CAPN5: variants seen among roughly 807,000 people sequenced by gnomAD.
CAPN5 encodes the protein calpain-5.
A neutral mutation model predicts 73.0 loss-of-function variants in CAPN5; 54 were observed. The ratio of observed to expected loss-of-function variants is 0.74; its 90% confidence interval spans 0.59 to 0.93. The LOEUF (loss-of-function observed/expected upper bound fraction) is 0.93, where lower values mean the gene tolerates loss of function less well. Ranked by LOEUF, CAPN5 falls within the 40% of genes least tolerant of loss-of-function variation. The probability of loss-of-function intolerance (pLI) is 0.00; values close to 1 mark genes in which losing one functional copy is unlikely to be tolerated. For missense variants in CAPN5, 785 were observed against 882.9 expected (o/e 0.89, Z 1.41); for synonymous variants, 335 against 356.9 (o/e 0.94, Z 0.69).
chr11:77,103,271 C>T, intron 3 of CAPN5: 1 of 1,613,272 alleles, frequency 6.2e-7, no homozygotes. Flanking sequence ...TCCTCGTCAC[C>T]TTTGGCGAGG....
chr11:77,124,858 TAGGG>T lies in CAPN5; in HGVS notation c.*991_*994del, dbSNP rs1234735794. 1.3e-5 allele frequency: 2 copies of T among 152,346 alleles called. No individual in the cohort carries two copies. The highest frequency in any genetic ancestry group is 2.1e-4 in the South Asian group (1 of 4,828). The allele number at this position is 152,346 out of a possible 1,614,324, so 9.4% of individuals were successfully genotyped here. A position where few individuals can be genotyped will look rare whatever the true frequency, so the allele number is the denominator to read the frequency against. On this transcript the variant is annotated 3_prime_UTR_variant, in exon 13 of 13. Coordinates refer to ENST00000648180, the MANE Select transcript of CAPN5 (RefSeq NM_004055.5). The stretch of plus-strand genomic sequence containing the variant: ...GCCACCCACTGGGCTCGGCAGGAGA[TAGGG>T]AGCCCCATCACCTGACCACAGCCCC...
At chr11:77,121,344 G>A (rs1950518634) in intron 10 of CAPN5, among the ~76,000 whole-genome samples, 1 of 152,236 alleles carries the variant, frequency 6.6e-6, no homozygotes, top group Non-Finnish European at 1.5e-5. Context: ...GGTGGCTCTG[G>A]GCTCCAGTGG....
intron 6 of CAPN5, among the ~76,000 whole-genome samples, 167 bp from the exon 7 acceptor site, chr11:77,116,059 G>A (rs1376052537): frequency 2.0e-5 from 3 of 152,116 alleles, no homozygotes; most frequent in Non-Finnish European, 4.4e-5. Context: ...GACAGGCAGG[G>A]CTTCCTGGAG....
At position 77,112,787 on chromosome 11, in the gene CAPN5, G is replaced by A. The variant is rs151058711; in HGVS notation, c.496G>A (p.Ala166Thr). ...GTTTTGGTGCGCCCTAGTGGAGAAG[G>A]CCTATGCCAAGTAGGTGCCAGCAGC... ...NEFWCALVEK[A>T]YAKLAGCYQA... Residue 166 changes from alanine (A) to threonine (T), a missense_variant, in exon 4 of 13, where the codon GCC becomes ACC. Physicochemically the swap from Ala to Thr is moderately conservative, Grantham distance 58. Coordinates refer to ENST00000648180, the MANE Select transcript of CAPN5 (RefSeq NM_004055.5). 1 of 1,614,074 alleles carries A rather than the reference G, an allele frequency of 6.2e-7. No individual in the cohort carries two copies. Among genetic ancestry groups the A allele is most frequent in the African/African-American group, 1.3e-5 (1 of 74,956 alleles).
chr11:77,084,954 G>A lies in CAPN5; in HGVS notation c.68G>A (p.Arg23Lys). Residue 23 changes from arginine to lysine, a missense_variant, in exon 2 of 13, where the codon AGG (arginine) becomes AAG (lysine). Transcript: ENST00000648180. ...YSALRRDCRR[R>K]KVLFEDPLFP... Reference sequence around the variant, plus strand: ...GCCCTGAGGCGGGACTGCCGGCGCAGGAAGGTGCTCTTCGAGGACCCCCTC... The same window carrying A: ...GCCCTGAGGCGGGACTGCCGGCGCAAGAAGGTGCTCTTCGAGGACCCCCTC... The A allele has an allele frequency of 6.2e-7, 1 of 1,613,840 alleles. No homozygotes were observed. The highest frequency in any genetic ancestry group is 8.5e-7 in the Non-Finnish European group (1 of 1,180,028).
In CAPN5 at chr11:77,103,350, G is replaced by C. The variant is rs782702433; in HGVS notation, c.298-9239G>C. 5.0e-6 allele frequency: 8 copies of C among 1,598,710 alleles called. No homozygotes were observed. The South Asian group carries it at 8.9e-5, about 18-fold the overall frequency. ...GCTCTGACAGCAGCTGCCAGCTGCT[G>C]CTCTCCTCTAGCCCACCTGTGCTCT... On this transcript the variant is annotated intron_variant, in intron 3 of 12. Transcript: ENST00000648180.
intron 2 of CAPN5, among the ~76,000 whole-genome samples, chr11:77,088,858 C>T (rs1950119895): frequency 6.6e-6 from 1 of 152,116 alleles, no homozygotes; most frequent in African/African-American, 2.4e-5. Context: ...TGTGGCCTGT[C>T]AGGTAGAGTT....
At chr11:77,082,008 C>T (rs2135418696) in intron 1 of CAPN5, among the ~76,000 whole-genome samples, 1 of 152,212 alleles carries the variant, frequency 6.6e-6, no homozygotes, top group Non-Finnish European at 1.5e-5. Flanking sequence ...ACATTGGACC[C>T]TGGGATAGAG....
At position 77,124,197 on chromosome 11, in the gene CAPN5, T is replaced by G. The variant is rs966681946; in HGVS notation, c.*327T>G. 106 of 291,718 alleles carry G rather than the reference T, an allele frequency of 3.6e-4. No homozygotes were observed. The highest frequency in any genetic ancestry group is 5.7e-4 in the Non-Finnish European group (89 of 155,584). 18.1% of individuals were successfully genotyped at this position (291,718 alleles called of 1,614,324 possible). On this transcript the variant is annotated 3_prime_UTR_variant, in exon 13 of 13. Transcript: ENST00000648180. ...CCGAGGAGCGCCAAGAAGATGTCAC[T>G]TGTTTACACACGAACTGCCACATCC...
chr11:77,119,257 C>T (rs1454434358), intron 9 of CAPN5, 105 bp downstream of exon 9: 19 of 1,286,836 alleles, frequency 1.5e-5, no homozygotes, highest in Middle Eastern at 2.4e-4. Context: ...TGGTCACTGC[C>T]GCTGCCCTGG....
chr11:77,113,721 C>T (rs995860647), intron 4 of CAPN5, among the ~76,000 whole-genome samples: 9 of 68,958 alleles, frequency 1.3e-4, no homozygotes, highest in Non-Finnish European at 2.6e-4. Flanking sequence ...ACTGAGTCTC[C>T]ACCACCTGGA....
intron 12 of CAPN5, 141 bp from the exon 13 acceptor site, chr11:77,123,547 G>C: frequency 1.4e-6 from 1 of 698,920 alleles, no homozygotes; most frequent in Non-Finnish European, 2.5e-6. Context: ...AGTTCATGGG[G>C]AGGCAGACAG....
chr11:77,111,568 C>T (rs1270739010), intron 3 of CAPN5, among the ~76,000 whole-genome samples: 3 of 152,208 alleles, frequency 2.0e-5, no homozygotes, highest in African/African-American at 7.2e-5. Flanking sequence ...ATCAATGTCT[C>T]AGTGTCCCCA....
chr11:77,080,623 C>T (rs989411989), intron 1 of CAPN5, among the ~76,000 whole-genome samples: 2 of 152,186 alleles, frequency 1.3e-5, no homozygotes, highest in African/African-American at 4.8e-5. Context: ...GTCCCCGCTA[C>T]CTCCAGCAGG....
Position 77,114,349 on chromosome 11 carries a change from C to T in CAPN5, c.614C>T (p.Ala205Val). Residue 205 changes from alanine (A) to valine (V), a missense_variant, in exon 5 of 13, where the codon GCC (alanine) becomes GTC (valine). Transcript: ENST00000648180. ...ATCGACCTGACCGAGGGTGACTTTG[C>T]CAACGATGAGACTAAGAGGAACCAG... ...EPIDLTEGDF[A>V]NDETKRNQLF... The T allele has an allele frequency of 6.2e-7, 1 of 1,614,166 alleles. No homozygotes were observed. The highest frequency in any genetic ancestry group is 1.7e-5 in the Admixed American group (1 of 60,014).
At chr11:77,081,496 G>C (rs1436581141) in intron 1 of CAPN5, among the ~76,000 whole-genome samples, 1 of 152,218 alleles carries the variant, frequency 6.6e-6, no homozygotes, top group Non-Finnish European at 1.5e-5. Flanking sequence ...GTGAAGCCCA[G>C]ATGTCGACTG....
intron 1 of CAPN5, among the ~76,000 whole-genome samples, chr11:77,080,371 G>A (rs1565257377): frequency 6.6e-6 from 1 of 152,156 alleles, no homozygotes; most frequent in Non-Finnish European, 1.5e-5. Flanking sequence ...GCTCAGCTGT[G>A]TCCTTCGTTC....
chr11:77,074,936 C>T (rs1032650711), intron 1 of CAPN5, among the ~76,000 whole-genome samples: 5 of 152,224 alleles, frequency 3.3e-5, no homozygotes, highest in African/African-American at 1.2e-4. Context: ...GGAACCCAGC[C>T]CCTCCGCATC....
In CAPN5 at chr11:77,123,897, C is replaced by T. The variant is rs367986369; in HGVS notation, c.*27C>T. On this transcript the variant is annotated 3_prime_UTR_variant, in exon 13 of 13. Coordinates refer to ENST00000648180, the MANE Select transcript of CAPN5 (RefSeq NM_004055.5). The stretch of plus-strand genomic sequence containing the variant: ...ACCTGCCCACCTACCTGGCTCTGAC[C>T]GTTCCCACCACCATCTGCATGTCCC... 12 of 1,602,592 alleles carry T rather than the reference C, an allele frequency of 7.5e-6. No homozygotes were observed. In the African/African-American group the frequency reaches 9.4e-5, roughly 13 times the overall value.
Sources: gnomAD v4.1 joint callset for allele counts (sites outside exome capture counted in the v4.1 genomes callset) on GRCh38, gnomAD v4.1.1 for gene constraint, MANE v1.5 for transcripts, NCBI Gene and HGNC (gene_info 2026-07-23, HGNC 2026-07-21) for gene names.